DNAH11: variants seen among roughly 807,000 people sequenced by gnomAD.
The protein encoded by DNAH11 is axonemal beta dynein heavy chain 11.
Under a neutral mutation model 526.0 loss-of-function variants are expected in DNAH11, and 442 were observed. That is an observed-to-expected ratio of 0.84 (90% CI 0.78 to 0.91). The LOEUF (loss-of-function observed/expected upper bound fraction) is 0.91. Ranked by LOEUF, DNAH11 falls within the 40% of genes least tolerant of loss-of-function variation. The pLI, the probability that DNAH11 is intolerant of heterozygous loss-of-function variation, is 0.00. For synonymous variants in DNAH11, 2,461 were observed against 1,935.9 expected (o/e 1.27, Z -7.12); for missense variants, 6,989 against 5,448.7 (o/e 1.28, Z -8.90).
At chr7:21,632,054 C>G (rs893209506) in intron 25 of DNAH11, among the ~76,000 whole-genome samples, 3 of 152,218 alleles carry the variant, frequency 2.0e-5, no homozygotes, top group Admixed American at 2.0e-4. Flanking sequence ...GACTTTTGTG[C>G]ACTGGCAGAC....
rs139391790 is a variant in DNAH11, at chr7:21,564,238, C to A, written c.1035C>A (p.His345Gln). Residue 345 changes from histidine (H) to glutamine (Q), a missense_variant, in exon 6 of 82, where the codon CAC (histidine) becomes CAA (glutamine). Physicochemically the swap from His to Gln is conservative, Grantham distance 24 (BLOSUM62 0). Transcript: ENST00000409508. ...TTTACCTGAGACCTCTGAGGAGACA[C>A]ATCCAGTGTCTCCAGGAGACGGAAT... The part of the protein sequence containing the change: ...VELYLRPLRR[H>Q]IQCLQETEFP... The A allele has an allele frequency of 1.9e-6, 3 of 1,613,120 alleles. No homozygotes were observed. Among genetic ancestry groups the A allele is most frequent in the Admixed American group, 1.7e-5 (1 of 59,942 alleles).
At chr7:21,703,801 T>C (rs569502627) in intron 37 of DNAH11, 19 of 152,334 alleles carry the variant, frequency 1.2e-4, no homozygotes, top group African/African-American at 4.1e-4. Context: ...ATTTTTTAAA[T>C]TGTGGGATAT....
intron 45 of DNAH11, among the ~76,000 whole-genome samples, chr7:21,727,948 C>G (rs2906668): frequency 0.59 from 90,098 of 152,034 alleles, 27,206 homozygotes; most frequent in South Asian, 0.71. Flanking sequence ...AGCCTTTTCT[C>G]TGTGCACATT....
intron 54 of DNAH11, among the ~76,000 whole-genome samples, chr7:21,751,060 A>G (rs1786392251): frequency 1.3e-5 from 2 of 152,222 alleles, no homozygotes; most frequent in African/African-American, 2.4e-5. Flanking sequence ...GCAGTGGCTC[A>G]CACCTGTAAT....
chr7:21,807,539 C>T (rs1789319481), intron 62 of DNAH11, among the ~76,000 whole-genome samples: 1 of 152,180 alleles, frequency 6.6e-6, no homozygotes, highest in South Asian at 2.1e-4. Flanking sequence ...TTGGCCACAG[C>T]TCTTGGTCAT....
chr7:21,719,216 C>T (rs932773133), intron 43 of DNAH11, among the ~76,000 whole-genome samples: 1 of 152,092 alleles, frequency 6.6e-6, no homozygotes, highest in African/African-American at 2.4e-5. Context: ...AGTAATTTCT[C>T]TTCTGTGGTT....
At chr7:21,617,925 GA>G (rs1372261124) in intron 23 of DNAH11, 148 bp downstream of exon 23, 1 of 929,100 alleles carries the variant, frequency 1.1e-6, no homozygotes, top group East Asian at 2.8e-5. Flanking sequence ...TTGCTGTCTA[GA>G]AAAAGTCGCC....
chr7:21,633,952 T>C (rs1786741105), intron 25 of DNAH11, among the ~76,000 whole-genome samples: 1 of 152,190 alleles, frequency 6.6e-6, no homozygotes. Context: ...AGATTTTCTT[T>C]ATGGGGGTAG....
chr7:21,687,198 A>T lies in DNAH11; in HGVS notation c.5721A>T (p.Gly1907=), dbSNP rs1204138217. ...TGKTETTKDL[G]RALGMMVYVF... ...AAACAGAGACCACCAAAGACCTAGG[A>T]CGTGCCCTTGGCATGATGGTCTATG... The change falls in exon 33 of 82, where the codon GGA becomes GGT. Residue 1907 remains glycine, a synonymous_variant. Transcript: ENST00000409508. The T allele has an allele frequency of 6.2e-7, 1 of 1,610,422 alleles. No individual in the cohort carries two copies. The highest frequency in any genetic ancestry group is 1.3e-5 in the African/African-American group (1 of 74,818).
intron 30 of DNAH11, among the ~76,000 whole-genome samples, chr7:21,666,326 G>A (rs1782419931): frequency 6.6e-6 from 1 of 152,062 alleles, no homozygotes; most frequent in Admixed American, 6.6e-5. Flanking sequence ...GTTCCTTGGT[G>A]AAAGTGTTTT....
Position 21,818,272 on chromosome 7 carries a change from A to C in DNAH11, c.10624A>C (p.Asn3542His). 2 of 1,612,336 alleles carry C rather than the reference A, an allele frequency of 1.2e-6. No individual in the cohort carries two copies. Among genetic ancestry groups the C allele is most frequent in the Non-Finnish European group, 1.7e-6 (2 of 1,179,084 alleles). Residue 3542 changes from asparagine (N) to histidine (H), a missense_variant, in exon 65 of 82, where the codon AAT (asparagine) becomes CAT (histidine). Coordinates refer to ENST00000409508, the MANE Select transcript of DNAH11 (RefSeq NM_001277115.2). ...LAFGDVILIE[N>H]LEETIDPVLD... The stretch of plus-strand genomic sequence containing the variant: ...CTTTGGTGATGTCATCTTAATTGAA[A>C]ATCTCGAGGAAACGATAGATCCAGT...
intron 55 of DNAH11, among the ~76,000 whole-genome samples, chr7:21,770,489 G>T (rs1787388981): frequency 6.6e-6 from 1 of 152,090 alleles, no homozygotes; most frequent in South Asian, 2.1e-4. Flanking sequence ...TCAGATTAGG[G>T]ATGCTCAACC....
intron 2 of DNAH11, among the ~76,000 whole-genome samples, chr7:21,555,706 G>A (rs939218239): frequency 6.6e-6 from 1 of 152,166 alleles, no homozygotes; most frequent in East Asian, 1.9e-4. Flanking sequence ...TTGCCATGGT[G>A]CCTGCTTTTC....
chr7:21,545,229 A>G, intron 2 of DNAH11, 80 bp downstream of exon 2: 2 of 1,244,904 alleles, frequency 1.6e-6, no homozygotes, highest in East Asian at 6.5e-5. Context: ...TCCGATAATT[A>G]AAAAAAGAAG....
At chr7:21,740,536 A>G (rs1473294121) in intron 48 of DNAH11, among the ~76,000 whole-genome samples, 1 of 152,174 alleles carries the variant, frequency 6.6e-6, no homozygotes, top group Non-Finnish European at 1.5e-5. Flanking sequence ...TCATCCAGTT[A>G]CGGCATATTG....
At chr7:21,587,037 C>T (rs115066998) in intron 9 of DNAH11, among the ~76,000 whole-genome samples, 2 of 152,280 alleles carry the variant, frequency 1.3e-5, no homozygotes, top group African/African-American at 4.8e-5. Flanking sequence ...ACTTTTAAAG[C>T]CCTTAACACA....
intron 30 of DNAH11, among the ~76,000 whole-genome samples, chr7:21,660,075 G>A (rs1003825366): frequency 6.6e-6 from 1 of 152,080 alleles, no homozygotes. Context: ...ATTGAAAGAA[G>A]TGGCTGGTTT....
Position 21,615,211 on chromosome 7 carries a change from AAC to A in DNAH11, c.3952_3953del (p.Gln1318ValfsTer23). On this transcript the variant is annotated frameshift_variant, in exon 21 of 82. Coordinates refer to ENST00000409508, the MANE Select transcript of DNAH11 (RefSeq NM_001277115.2). LOFTEE classifies it high-confidence loss of function. ...GCTCTTCCAGAGTACAAACAAATGA[AAC>A]AGTGTCGCAAAGAAATAAAATTGCT... is the stretch of plus-strand genomic sequence containing the variant. The A allele has an allele frequency of 6.2e-7, 1 of 1,613,584 alleles. No homozygotes were observed.
intron 28 of DNAH11, among the ~76,000 whole-genome samples, chr7:21,648,404 GA>G (rs1052650418): frequency 3.3e-4 from 51 of 152,252 alleles, no homozygotes; most frequent in African/African-American, 1.2e-3. Flanking sequence ...GCAAAAGCTT[GA>G]AAATTTTTTG....
Sources: gnomAD v4.1 joint callset for allele counts (sites outside exome capture counted in the v4.1 genomes callset) on GRCh38, gnomAD v4.1.1 for gene constraint, MANE v1.5 for transcripts, NCBI Gene and HGNC (gene_info 2026-07-23, HGNC 2026-07-21) for gene names.